SRCAP: variants seen among roughly 807,000 people sequenced by gnomAD.
SRCAP encodes Snf2 related CREBBP activator protein, also known as chromatin remodeling protein SRCAP.
A neutral mutation model predicts 263.1 loss-of-function variants in SRCAP; 46 were observed. The observed-to-expected ratio is 0.17, with a 90% confidence interval of 0.14 to 0.22. SRCAP has a LOEUF of 0.22. Ranked by LOEUF, SRCAP falls within the 10% of genes least tolerant of loss-of-function variation. SRCAP has a pLI of 1.00. For missense variants in SRCAP, 3,695 were observed against 4,181.9 expected, an observed-to-expected ratio of 0.88 and a Z score of 3.21; for synonymous variants, 1,813 against 1,662.1, an observed-to-expected ratio of 1.09 and a Z score of -2.21.
chr16:30,713,719 C>T lies in SRCAP; in HGVS notation c.2493+8C>T. The stretch of plus-strand genomic sequence containing the variant: ...GTCAAACGCCTCCACAAGGTAGGGC[C>T]TGCAACAGTTTGTCAGGGTATTGGG... On this transcript the variant is annotated splice_region_variant and intron_variant, in intron 16 of 33. Coordinates refer to ENST00000262518, the MANE Select transcript of SRCAP (RefSeq NM_006662.3). The T allele has an allele frequency of 6.2e-7, 1 of 1,612,950 alleles. No homozygotes were observed. The highest frequency in any genetic ancestry group is 8.5e-7 in the Non-Finnish European group (1 of 1,179,488).
rs1048541807 is a variant in SRCAP, at chr16:30,739,686, C to T, written c.9646C>T (p.Leu3216=). The part of the protein sequence containing the change: ...RILRSSAPPS[L]AGPAVSHRGR... ...CCTGCGCAGCAGCGCCCCTCCCTCC[C>T]TGGCTGGCCCTGCTGTTAGTCACAG... Residue 3216 remains leucine (L), a synonymous_variant, in exon 34 of 34, where the codon CTG becomes TTG. Transcript: ENST00000262518. 2.6e-6 allele frequency: 4 copies of T among 1,538,232 alleles called. No homozygotes were observed. In the South Asian group the frequency reaches 3.7e-5, roughly 14 times the overall value.
At chr16:30,699,748 T>TA (rs2052744943) in intron 1 of SRCAP, among the ~76,000 whole-genome samples, 160 bp from the exon 2 acceptor site, 1 of 152,224 alleles carries the variant, frequency 6.6e-6, no homozygotes, top group South Asian at 2.1e-4. Context: ...GGCAGGATCG[T>TA]ATGTCCCTCC....
chr16:30,725,374 T>G, intron 25 of SRCAP: 1 of 384,444 alleles, frequency 2.6e-6, no homozygotes. Flanking sequence ...AAAGGAACTC[T>G]TCTCTGTCCC....
chr16:30,707,912 C>T (rs1567241010), intron 6 of SRCAP, among the ~76,000 whole-genome samples, 200 bp downstream of exon 6: 2 of 152,208 alleles, frequency 1.3e-5, no homozygotes, highest in African/African-American at 4.8e-5. Context: ...CTCCTTGACA[C>T]CTCTAGGCCA....
At position 30,721,242 on chromosome 16, in the gene SRCAP, A is replaced by G; in HGVS notation, c.3307A>G (p.Thr1103Ala). The G allele has an allele frequency of 6.2e-7, 1 of 1,613,846 alleles. No homozygotes were observed. The highest frequency in any genetic ancestry group is 8.5e-7 in the Non-Finnish European group (1 of 1,179,932). ...TGGGACCTCACGGCCTCCCACGCCA[A>G]CCTTGTCCCTAAAGCCAACACCACC... The part of the protein sequence containing the change: ...LSGTSRPPTP[T>A]LSLKPTPPAP... Residue 1103 changes from threonine (T) to alanine (A), a missense_variant, in exon 21 of 34, where the codon ACC becomes GCC. Coordinates refer to ENST00000262518, the MANE Select transcript of SRCAP (RefSeq NM_006662.3).
rs1167359312 is a variant in SRCAP at position 30,733,776 on chromosome 16, A to G, written c.6472A>G (p.Thr2158Ala). The G allele has an allele frequency of 6.2e-7, 1 of 1,613,718 alleles. No individual in the cohort carries two copies. Among genetic ancestry groups the G allele is most frequent in the Non-Finnish European group, 8.5e-7 (1 of 1,179,840 alleles). Residue 2158 changes from threonine to alanine, a missense_variant, in exon 29 of 34, where the codon ACC becomes GCC. Physicochemically the swap from Thr to Ala is moderately conservative, Grantham distance 58. Transcript: ENST00000262518. The surrounding 1 kb of genome is among the most constrained non-coding windows in gnomAD (Gnocchi z 5.3). ...AQDRCHRIGQTRDVHIYRLIS... is the reference protein window; with the variant it reads ...AQDRCHRIGQARDVHIYRLIS... ...GGACCGCTGTCACCGAATTGGCCAG[A>G]CCCGGGATGTCCACATATATAGGTA... is the stretch of plus-strand genomic sequence containing the variant.
At position 30,713,562 on chromosome 16, in the gene SRCAP, C is replaced by T; in HGVS notation, c.2344C>T (p.Leu782Phe). The stretch of plus-strand genomic sequence containing the variant: ...GACAGGAACTCCCTTGCAGAACAGC[C>T]TCATGGAGCTGTGGTCCTTGATGCA... ...LLTGTPLQNS[L>F]MELWSLMHFL... The change falls in exon 16 of 34, where the codon CTC becomes TTC. Residue 782 changes from leucine to phenylalanine, a missense_variant. Transcript: ENST00000262518. 1 of 1,614,208 alleles carries T rather than the reference C, an allele frequency of 6.2e-7. No individual in the cohort carries two copies. The highest frequency in any genetic ancestry group is 8.5e-7 in the Non-Finnish European group (1 of 1,180,024).
chr16:30,731,869 G>A (rs539761495), intron 27 of SRCAP, among the ~76,000 whole-genome samples: 1 of 151,956 alleles, frequency 6.6e-6, no homozygotes, highest in Non-Finnish European at 1.5e-5. Flanking sequence ...ATAAGGCTGG[G>A]CCTGGTGGCT....
In SRCAP at chr16:30,723,673, A is replaced by G; in HGVS notation, c.4249A>G (p.Ile1417Val). The G allele has an allele frequency of 3.1e-6, 5 of 1,613,604 alleles. No homozygotes were observed. Among genetic ancestry groups the G allele is most frequent in the Middle Eastern group, 3.3e-4 (2 of 6,062 alleles). Residue 1417 changes from isoleucine to valine, a missense_variant, in exon 25 of 34, where the codon ATT (isoleucine) becomes GTT (valine). Transcript: ENST00000262518. Reference protein sequence around the residue: ...LPGPASSPMPIPNSSPLASPV... With the variant: ...LPGPASSPMPVPNSSPLASPV... The stretch of plus-strand genomic sequence containing the variant: ...TGGGCCAGCCTCTTCTCCAATGCCA[A>G]TTCCCAACTCCTCTCCCCTTGCTAG...
rs779810243 is a variant in SRCAP at position 30,712,716 on chromosome 16, C to T, written c.2031C>T (p.Ser677=). 1 of 1,614,038 alleles carries T rather than the reference C, an allele frequency of 6.2e-7. No homozygotes were observed. The highest frequency in any genetic ancestry group is 8.5e-7 in the Non-Finnish European group (1 of 1,179,998). The change falls in exon 14 of 34, where the codon AGC becomes AGT. Residue 677 remains serine, a synonymous_variant. Transcript: ENST00000262518. ...CCCATTTAATCATTGTTCCCACCAG[C>T]GTGATGTTGAACTGGGAGATGGAGT... ...WGPHLIIVPT[S]VMLNWEMELK...
At position 30,712,540 on chromosome 16, in the gene SRCAP, C is replaced by T. The variant is rs114573912; in HGVS notation, c.1993+101C>T. 171 of 1,506,648 alleles carry T rather than the reference C, an allele frequency of 1.1e-4. 1 individual carries two copies. Among genetic ancestry groups the T allele is most frequent in the African/African-American group, 8.6e-4 (62 of 71,784 alleles). The allele number at this position is 1,506,648 out of a possible 1,614,324, so 93.3% of individuals were successfully genotyped here. ...TCATTGACTTTTGCTTTATTGACTC[C>T]GGTCATTAACTGTATAGAGAGGACA... On this transcript the variant is annotated intron_variant, in intron 13 of 33. Transcript: ENST00000262518.
At chr16:30,717,621 T>TC (rs1289587738) in intron 18 of SRCAP, among the ~76,000 whole-genome samples, 1 of 144,958 alleles carries the variant, frequency 6.9e-6, no homozygotes, top group African/African-American at 2.6e-5. Flanking sequence ...TTTTTTTTTT[T>TC]TTTTTTTTTT....
At chr16:30,714,755 G>T (rs933700276) in intron 16 of SRCAP, among the ~76,000 whole-genome samples, 1 of 150,772 alleles carries the variant, frequency 6.6e-6, no homozygotes, top group Non-Finnish European at 1.5e-5. Flanking sequence ...CCCTGCCCCC[G>T]CTTGGCCTCC....
chr16:30,715,722 C>T (rs115956810), intron 16 of SRCAP, among the ~76,000 whole-genome samples: 109 of 152,244 alleles, frequency 7.2e-4, no homozygotes, highest in African/African-American at 2.6e-3. Flanking sequence ...TTTGTTTTAT[C>T]TCCTGTCAAG....
chr16:30,711,161 G>A, intron 10 of SRCAP, 73 bp downstream of exon 10: 2 of 1,182,586 alleles, frequency 1.7e-6, no homozygotes, highest in Admixed American at 3.9e-5. Flanking sequence ...ATAAAGAGAT[G>A]AATAAGGCAC....
rs978356922 is a variant in SRCAP, at chr16:30,722,984, A to G, written c.3914A>G (p.Asn1305Ser). ...ANQVPPTMVNNTGVVKIVVRQ... is the reference protein window; with the variant it reads ...ANQVPPTMVNSTGVVKIVVRQ... The stretch of plus-strand genomic sequence containing the variant: ...GCAGTGCCACCAACCATGGTGAATA[A>G]TACAGGCGTGGTGAAGATTGTAGTG... Residue 1305 changes from asparagine to serine, a missense_variant, in exon 24 of 34, where the codon AAT (asparagine) becomes AGT (serine). Around this residue, in one of 12 missense-constraint regions of SRCAP, gnomAD observed 1,347 missense variants for 1,304.4 expected, o/e 1.03. Coordinates refer to ENST00000262518, the MANE Select transcript of SRCAP (RefSeq NM_006662.3). 6.2e-7 allele frequency: 1 copy of G among 1,612,984 alleles called. No homozygotes were observed.
At position 30,713,374 on chromosome 16, in the gene SRCAP, A is replaced by G. The variant is rs1374715280; in HGVS notation, c.2297A>G (p.Asn766Ser). 2.5e-6 allele frequency: 4 copies of G among 1,614,084 alleles called. No individual in the cohort carries two copies. Among genetic ancestry groups the G allele is most frequent in the Non-Finnish European group, 2.5e-6 (3 of 1,180,000 alleles). Residue 766 changes from asparagine to serine, a missense_variant, in exon 15 of 34, where the codon AAC (asparagine) becomes AGC (serine). Asn to Ser is a conservative substitution (Grantham distance 46). Transcript: ENST00000262518. ...CGCTGGCAGTCACTCCTCAACTTCAACAGGTGGAGATGGAGATGGGGATTC... is the reference window on the plus strand; with the variant it reads ...CGCTGGCAGTCACTCCTCAACTTCAGCAGGTGGAGATGGAGATGGGGATTC... ...SQRWQSLLNF[N>S]SQRRLLLTGT...
intron 25 of SRCAP, 36 bp from the exon 26 acceptor site, chr16:30,728,930 G>A: frequency 6.3e-7 from 1 of 1,583,876 alleles, no homozygotes; most frequent in Non-Finnish European, 8.6e-7. Flanking sequence ...GGACTCTGAG[G>A]GTGCTGATTA....
chr16:30,722,530 TTCTC>T (rs1215434370), intron 22 of SRCAP, 29 bp from the exon 23 acceptor site: 4 of 1,606,616 alleles, frequency 2.5e-6, no homozygotes, highest in South Asian at 1.1e-5. Context: ...TGATAGCTGC[TTCTC>T]TCTCTCTTTC....
Sources: gnomAD v4.1 joint callset for allele counts (sites outside exome capture counted in the v4.1 genomes callset) on GRCh38, gnomAD v4.1.1 for gene constraint, gnomAD v4.1.1 regional missense constraint, Gnocchi (gnomAD v3.1) non-coding constraint, MANE v1.5 for transcripts, NCBI Gene and HGNC (gene_info 2026-07-23, HGNC 2026-07-21) for gene names.